FGF12: variants seen among roughly 807,000 people sequenced by gnomAD.
FGF12 encodes the protein fibroblast growth factor 12B.
Under a neutral mutation model 23.6 loss-of-function variants are expected in FGF12, and 14 were observed. That is an observed-to-expected ratio of 0.59 (90% CI 0.39 to 0.93). FGF12 has a LOEUF of 0.93. Among genes scored for constraint, FGF12 ranks in the 40% least tolerant of loss-of-function variants. The pLI, the probability that FGF12 is intolerant of heterozygous loss-of-function variation, is 0.00. For missense variants in FGF12, 175 were observed against 217.8 expected (o/e 0.80, Z 1.24); for synonymous variants, 62 against 77.3 (o/e 0.80, Z 1.04).
At chr3:192,364,870 G>A (rs1010995775) in intron 2 of FGF12, among the ~76,000 whole-genome samples, 2 of 152,100 alleles carry the variant, frequency 1.3e-5, no homozygotes, top group Admixed American at 6.6e-5. Context: ...TTATGGTGGA[G>A]AAACCTAACA....
At chr3:192,675,045 T>C (rs1452637770) in intron 2 of FGF12, among the ~76,000 whole-genome samples, 3 of 152,214 alleles carry the variant, frequency 2.0e-5, no homozygotes, top group Non-Finnish European at 4.4e-5. Context: ...CTTCAGTACT[T>C]GTCTTTAGGT....
chr3:192,701,197 C>T (rs1437582433), intron 2 of FGF12, among the ~76,000 whole-genome samples: 1 of 152,178 alleles, frequency 6.6e-6, no homozygotes, highest in Non-Finnish European at 1.5e-5. Flanking sequence ...CTGTTTCAAG[C>T]AATTGTCAAT....
intron 5 of FGF12, among the ~76,000 whole-genome samples, chr3:192,167,247 T>C (rs547269206): frequency 6.6e-6 from 1 of 151,732 alleles, no homozygotes; most frequent in Non-Finnish European, 1.5e-5. Flanking sequence ...GCCAGTGCGA[T>C]AAGTAGCATA....
rs1398659620 is a variant in FGF12 at position 192,619,014 on chromosome 3, A to G, written c.13+108167T>C. On this transcript the variant is annotated intron_variant, in intron 2 of 5. Transcript: ENST00000445105. ...ATATATATATGTCAATATATAATAT[A>G]TATGTAATATATACAAGGGATTGGT... 3.9e-5 allele frequency among the ~76,000 whole-genome samples: 6 copies of G among 151,914 alleles called. No homozygotes were observed. In the East Asian group the frequency reaches 1.2e-3, roughly 29 times the overall value.
intron 4 of FGF12, among the ~76,000 whole-genome samples, chr3:192,299,896 T>A (rs1715245872): frequency 6.6e-6 from 1 of 152,296 alleles, no homozygotes; most frequent in Middle Eastern, 3.4e-3. Flanking sequence ...CACAGATACA[T>A]TGATTCTATT....
intron 4 of FGF12, among the ~76,000 whole-genome samples, chr3:192,181,378 G>GACACAC (rs35246455): frequency 1.2e-4 from 17 of 147,212 alleles, no homozygotes; most frequent in African/African-American, 2.5e-4. Context: ...CACACACACA[G>GACACAC]ACACACACAC....
intron 4 of FGF12, among the ~76,000 whole-genome samples, chr3:192,243,894 A>C (rs1176577267): frequency 6.6e-6 from 1 of 152,108 alleles, no homozygotes; most frequent in Non-Finnish European, 1.5e-5. Flanking sequence ...ACCAAGATCC[A>C]AATAAGAACA....
intron 2 of FGF12, among the ~76,000 whole-genome samples, chr3:192,449,382 T>C (rs891435741): frequency 1.3e-5 from 2 of 152,154 alleles, no homozygotes; most frequent in Non-Finnish European, 2.9e-5. Flanking sequence ...GTGAAGCCCC[T>C]TGGTAAGCTT....
chr3:192,417,159 T>C (rs1462757620), intron 2 of FGF12, among the ~76,000 whole-genome samples: 1 of 152,114 alleles, frequency 6.6e-6, no homozygotes, highest in South Asian at 2.1e-4. Context: ...AGTATGCTAA[T>C]GGCATGGCAA....
intron 2 of FGF12, among the ~76,000 whole-genome samples, chr3:192,412,494 T>G (rs1721228328): frequency 6.6e-6 from 1 of 152,226 alleles, no homozygotes; most frequent in African/African-American, 2.4e-5. Flanking sequence ...TGTTTAGATC[T>G]CTATTAAAAG....
intron 4 of FGF12, among the ~76,000 whole-genome samples, chr3:192,332,679 C>T (rs1428891066): frequency 1.3e-5 from 2 of 151,896 alleles, no homozygotes; most frequent in African/African-American, 4.8e-5. Flanking sequence ...AAATAGAAGC[C>T]AGGTAAATGA....
intron 2 of FGF12, among the ~76,000 whole-genome samples, chr3:192,460,745 T>G (rs1686467009): frequency 6.6e-6 from 1 of 151,046 alleles, no homozygotes; most frequent in Admixed American, 6.6e-5. Flanking sequence ...TGCCTTACAG[T>G]TGGAAACTTT....
chr3:192,308,335 G>T (rs78359791), intron 4 of FGF12, among the ~76,000 whole-genome samples: 1 of 152,080 alleles, frequency 6.6e-6, no homozygotes, highest in Non-Finnish European at 1.5e-5. Flanking sequence ...AATGACATTG[G>T]CAGATCTAAT....
rs376535596 is a variant in FGF12, at chr3:192,272,023, G to A, written c.228+63338C>T. 3.8e-4 allele frequency among the ~76,000 whole-genome samples: 58 copies of A among 152,236 alleles called. No individual in the cohort carries two copies. The South Asian group carries it at 4.8e-3, about 13-fold the overall frequency. On this transcript the variant is annotated intron_variant, in intron 4 of 5. Coordinates refer to ENST00000445105, the MANE Select transcript of FGF12 (RefSeq NM_004113.6). ...ATCCAGTTCTAGGGTTTTCTGGGAA[G>A]ACAGGAGAGGGAAAAATATTGACTT...
intron 2 of FGF12, among the ~76,000 whole-genome samples, chr3:192,429,962 C>A (rs7622571): frequency 0.61 from 93,140 of 151,954 alleles, 28,981 homozygotes; most frequent in African/African-American, 0.73. Context: ...TAATAAAATG[C>A]TTGTCTCTGT....
At chr3:192,361,138 C>G (rs1014471679) in intron 2 of FGF12, among the ~76,000 whole-genome samples, 16 of 140,834 alleles carry the variant, frequency 1.1e-4, no homozygotes, top group African/African-American at 4.4e-4. Context: ...CAGAGAGGAG[C>G]CTCAGTGTTC....
intron 2 of FGF12, among the ~76,000 whole-genome samples, chr3:192,689,527 C>G (rs895407069): frequency 2.6e-5 from 4 of 151,244 alleles, no homozygotes; most frequent in African/African-American, 9.7e-5. Flanking sequence ...AATGACTGAA[C>G]AACAGAATGG....
At chr3:192,664,497 C>G (rs1435998824) in intron 2 of FGF12, among the ~76,000 whole-genome samples, 2 of 151,508 alleles carry the variant, frequency 1.3e-5, no homozygotes, top group Non-Finnish European at 2.9e-5. Flanking sequence ...GCCTGTAATC[C>G]CAGCACTTTG....
At chr3:192,630,554 AT>A (rs10695787) in intron 2 of FGF12, among the ~76,000 whole-genome samples, 8 of 140,332 alleles carry the variant, frequency 5.7e-5, no homozygotes, top group Admixed American at 1.4e-4. Context: ...AAAAAATTCA[AT>A]TTTTTTTTTT....
Sources: allele counts gnomAD v4.1 joint callset (sites outside exome capture counted in the v4.1 genomes callset), GRCh38; gene constraint gnomAD v4.1.1; transcripts MANE v1.5; gene names NCBI Gene and HGNC (gene_info 2026-07-23, HGNC 2026-07-21).